The following RABGAP1 variants were observed in gnomAD, a reference collection of about 807,000 sequenced individuals.
RABGAP1 encodes rab GTPase-activating protein 1.
Under a neutral mutation model 137.6 loss-of-function variants are expected in RABGAP1, and 23 were observed. The ratio of observed to expected loss-of-function variants is 0.17; its 90% confidence interval spans 0.12 to 0.24. RABGAP1 has a LOEUF of 0.24. Ranked by LOEUF, RABGAP1 falls within the 10% of genes least tolerant of loss-of-function variation. RABGAP1 has a pLI of 1.00. For missense variants in RABGAP1, 906 were observed against 1,275.8 expected (o/e 0.71, Z 4.42); for synonymous variants, 451 against 450.7 (o/e 1.00, Z -0.01).
intron 1 of RABGAP1, among the ~76,000 whole-genome samples, chr9:122,942,322 A>G (rs79084420): frequency 0.019 from 2,873 of 152,308 alleles, 108 homozygotes; most frequent in African/African-American, 0.066. Flanking sequence ...GCCTTAGTTC[A>G]AGTTTGTATA....
Position 123,090,280 on chromosome 9 carries a change from G to T in RABGAP1, c.2523G>T (p.Glu841Asp). 2 of 1,611,020 alleles carry T rather than the reference G, an allele frequency of 1.2e-6. No homozygotes were observed. Among genetic ancestry groups the T allele is most frequent in the Non-Finnish European group, 1.7e-6 (2 of 1,178,542 alleles). Reference sequence around the variant, plus strand: ...GGTTTCTTTCTACCCTTCAGCGGGAGAATAGGCGTCTACAAGAAGCTAACA... The same window carrying T: ...GGTTTCTTTCTACCCTTCAGCGGGATAATAGGCGTCTACAAGAAGCTAACA... The part of the protein sequence containing the change: ...QEDPIERFER[E>D]NRRLQEANMR... Residue 841 changes from glutamate (E) to aspartate (D), a missense_variant, in exon 21 of 26, where the codon GAG (glutamate) becomes GAT (aspartate). By Grantham distance (45) the Glu-to-Asp change is conservative. This residue lies in a region of RABGAP1 where 77 missense variants were observed against 105.6 expected (regional missense o/e 0.73). Transcript: ENST00000373647.
intron 13 of RABGAP1, among the ~76,000 whole-genome samples, chr9:123,028,031 A>G (rs1406886002): frequency 3.3e-5 from 5 of 152,220 alleles, no homozygotes; most frequent in Non-Finnish European, 7.3e-5. Flanking sequence ...TGGGAGTTCT[A>G]AAGGTTTCCT....
chr9:123,043,071 C>T lies in RABGAP1; in HGVS notation c.1795-22277C>T, dbSNP rs541600384. ...TCCAACCCACAATTTTATGCCCAAA[C>T]TGTCATTCAAGTGTGAGGGTAAACT... On this transcript the variant is annotated intron_variant, in intron 13 of 25. Transcript: ENST00000373647. 1.2e-4 allele frequency among the ~76,000 whole-genome samples: 19 copies of T among 152,194 alleles called. 1 individual carries two copies. The highest frequency in any genetic ancestry group is 6.8e-3 in the Middle Eastern group (2 of 294).
chr9:122,966,714 A>T (rs1353379138), intron 2 of RABGAP1, among the ~76,000 whole-genome samples: 1 of 152,078 alleles, frequency 6.6e-6, no homozygotes, highest in African/African-American at 2.4e-5. Flanking sequence ...ACCCGGGTGT[A>T]TTACTTCGTT....
chr9:123,081,500 A>G (rs1329256263), intron 19 of RABGAP1, among the ~76,000 whole-genome samples: 1 of 152,212 alleles, frequency 6.6e-6, no homozygotes, highest in Non-Finnish European at 1.5e-5. Context: ...GTAGTGGCAC[A>G]GTCATGGCTC....
chr9:123,075,788 T>TC (rs1258500564), intron 17 of RABGAP1, among the ~76,000 whole-genome samples: 3 of 152,202 alleles, frequency 2.0e-5, no homozygotes, highest in African/African-American at 7.2e-5. Flanking sequence ...TGTTAGTGCT[T>TC]CCTCTCCTTT....
At chr9:122,946,545 A>G (rs1833958501) in intron 1 of RABGAP1, among the ~76,000 whole-genome samples, 2 of 152,214 alleles carry the variant, frequency 1.3e-5, no homozygotes, top group South Asian at 4.1e-4. Flanking sequence ...TAAAATCTGT[A>G]CTAGCAAGTC....
At chr9:122,960,754 TA>T (rs540518062) in intron 2 of RABGAP1, among the ~76,000 whole-genome samples, 91 of 152,046 alleles carry the variant, frequency 6.0e-4, no homozygotes, top group Non-Finnish European at 1.1e-3. Flanking sequence ...TTCAGCAAAC[TA>T]AAGGAAATCA....
In RABGAP1 at chr9:122,989,345, C is replaced by T. The variant is rs1461740597; in HGVS notation, c.639C>T (p.Tyr213=). 3 of 1,613,928 alleles carry T rather than the reference C, an allele frequency of 1.9e-6. No individual in the cohort carries two copies. The highest frequency in any genetic ancestry group is 2.2e-5 in the South Asian group (2 of 91,074). The change falls in exon 5 of 26, where the codon TAC becomes TAT. Residue 213 remains tyrosine (Y), a synonymous_variant. Coordinates refer to ENST00000373647, the MANE Select transcript of RABGAP1 (RefSeq NM_012197.4). The stretch of plus-strand genomic sequence containing the variant: ...CTGAAATAGCAAACTACCCTATCTA[C>T]AAAATCCTCTTCTGTGTCAGAGGGC... The part of the protein sequence containing the change: ...TNTEIANYPI[Y]KILFCVRGHD...
At chr9:122,979,089 G>C (rs968499132) in intron 2 of RABGAP1, among the ~76,000 whole-genome samples, 1 of 151,736 alleles carries the variant, frequency 6.6e-6, no homozygotes, top group Non-Finnish European at 1.5e-5. Context: ...GTAGAGTCGG[G>C]GTCTCACCAT....
intron 22 of RABGAP1, 61 bp downstream of exon 22, chr9:123,097,906 G>T: frequency 7.0e-7 from 1 of 1,437,670 alleles, no homozygotes; most frequent in Non-Finnish European, 9.5e-7. Context: ...GAGTTCAGCT[G>T]GTGGCTTCCT....
At chr9:122,943,155 A>G (rs976583291) in intron 1 of RABGAP1, among the ~76,000 whole-genome samples, 3 of 139,802 alleles carry the variant, frequency 2.1e-5, no homozygotes, top group Admixed American at 7.3e-5. Context: ...GCTCACTGCA[A>G]CCTCCGCCTC....
intron 1 of RABGAP1, among the ~76,000 whole-genome samples, chr9:122,942,190 AC>A (rs1490288956): frequency 1.3e-5 from 2 of 152,224 alleles, no homozygotes; most frequent in African/African-American, 2.4e-5. Context: ...AAACAAAAAA[AC>A]AACGGAAGGT....
At chr9:122,933,879 G>A in the RABGAP1 span, among the ~76,000 whole-genome samples, 23 of 151,992 alleles carry the variant, frequency 1.5e-4, no homozygotes, top group African/African-American at 4.6e-4. Context: ...CTCCCAAAGT[G>A]CTGGGACTAC....
chr9:123,060,468 A>C (rs2033925381), intron 13 of RABGAP1, among the ~76,000 whole-genome samples: 1 of 152,202 alleles, frequency 6.6e-6, no homozygotes, highest in South Asian at 2.1e-4. Flanking sequence ...GTAGATGGAC[A>C]TTTGAGGTTT....
intron 2 of RABGAP1, among the ~76,000 whole-genome samples, chr9:122,982,068 A>C: frequency 6.6e-6 from 1 of 151,710 alleles, no homozygotes. Context: ...AAAAAAAAGT[A>C]TGTGTACTAT....
intron 19 of RABGAP1, among the ~76,000 whole-genome samples, chr9:123,089,385 G>C (rs900524555): frequency 6.6e-6 from 1 of 152,184 alleles, no homozygotes; most frequent in East Asian, 1.9e-4. Context: ...ACCTCGTAGA[G>C]GTGCTGTGAG....
rs1179336446 is a variant in RABGAP1, at chr9:122,989,314, C to G, written c.608C>G (p.Thr203Arg). 1.2e-6 allele frequency: 2 copies of G among 1,613,354 alleles called. No individual in the cohort carries two copies. The highest frequency in any genetic ancestry group is 2.2e-5 in the South Asian group (2 of 91,072). Reference sequence around the variant, plus strand: ...CTGAACAGACTCTTAGATCCTCAGACAAACACTGAAATAGCAAACTACCCT... The same window carrying G: ...CTGAACAGACTCTTAGATCCTCAGAGAAACACTGAAATAGCAAACTACCCT... ...EGIVRLLDPQ[T>R]NTEIANYPIY... The change falls in exon 5 of 26, where the codon ACA (threonine) becomes AGA (arginine). Residue 203 changes from threonine to arginine, a missense_variant. Thr to Arg is a moderately conservative substitution (Grantham distance 71). This residue lies in a region of RABGAP1 where 331 missense variants were observed against 358.3 expected (regional missense o/e 0.92). Transcript: ENST00000373647.
the RABGAP1 span, among the ~76,000 whole-genome samples, chr9:122,933,932 GAA>G: frequency 6.6e-6 from 1 of 151,790 alleles, no homozygotes; most frequent in African/African-American, 2.4e-5. Flanking sequence ...TTGAATTATT[GAA>G]AAAAAAATTT....
Sources: allele counts gnomAD v4.1 joint callset (sites outside exome capture counted in the v4.1 genomes callset), GRCh38; gene constraint gnomAD v4.1.1; regional missense constraint gnomAD v4.1.1; transcripts MANE v1.5; gene names NCBI Gene and HGNC (gene_info 2026-07-23, HGNC 2026-07-21).